The following IFT140 variants were observed in gnomAD, a reference collection of about 807,000 sequenced individuals.
IFT140 encodes intraflagellar transport 140.
A neutral mutation model predicts 164.6 loss-of-function variants in IFT140; 133 were observed. That is an observed-to-expected ratio of 0.81 (90% CI 0.70 to 0.93). The LOEUF is 0.93. Among genes scored for constraint, IFT140 ranks in the 40% least tolerant of loss-of-function variants. IFT140 has a pLI of 0.00. For missense variants in IFT140, 2,045 were observed against 1,972.3 expected (o/e 1.04, Z -0.70); for synonymous variants, 860 against 817.3 (o/e 1.05, Z -0.89).
chr16:1,606,660 A>C (rs975481497), intron 3 of IFT140, among the ~76,000 whole-genome samples: 1 of 152,160 alleles, frequency 6.6e-6, no homozygotes, highest in Non-Finnish European at 1.5e-5. Context: ...GGGTTTCTCC[A>C]TGTTGATCAG....
intron 19 of IFT140, among the ~76,000 whole-genome samples, chr16:1,528,371 G>GCACGCACGTGTGCACACACACA (rs2029995738): frequency 6.8e-6 from 1 of 147,508 alleles, no homozygotes; most frequent in East Asian, 2.0e-4. Flanking sequence ...GCACACACAC[G>GCACGCACGTGTGCACACACACA]CATGCACGCA....
intron 19 of IFT140, among the ~76,000 whole-genome samples, chr16:1,529,777 G>A (rs1479801880): frequency 2.0e-5 from 3 of 152,166 alleles, no homozygotes; most frequent in African/African-American, 4.8e-5. Context: ...GTTTATAAAC[G>A]GCTCAGACAC....
In IFT140 at chr16:1,525,223, A is replaced by G; in HGVS notation, c.2864+8T>C. 1 of 1,602,036 alleles carries G rather than the reference A, an allele frequency of 6.2e-7. No homozygotes were observed. ...TGCGGTCCCACCAGCCCTGGTGGGG[A>G]CACTCACTTATCCTTCATTTTATTC... is the stretch of plus-strand genomic sequence containing the variant. On this transcript the variant is annotated splice_region_variant and intron_variant, in intron 22 of 30. Coordinates refer to ENST00000426508, the MANE Select transcript of IFT140 (RefSeq NM_014714.4).
Position 1,551,752 on chromosome 16 carries a change from G to A in IFT140, c.2399+6183C>T, listed in dbSNP as rs1327901101. Among the ~76,000 whole-genome samples the A allele has an allele frequency of 6.6e-6, 1 of 152,164 alleles. No homozygotes were observed. Among genetic ancestry groups the A allele is most frequent in the African/African-American group, 2.4e-5 (1 of 41,422 alleles). On this transcript the variant is annotated intron_variant, in intron 19 of 30. Coordinates refer to ENST00000426508, the MANE Select transcript of IFT140 (RefSeq NM_014714.4). The surrounding 1 kb of genome is among the most constrained non-coding windows in gnomAD (Gnocchi z 4.0). ...TGTTGGGAGCTACCTATACAAAGGA[G>A]GCCACACCACACGTGCGTGGTCCGG...
intron 14 of IFT140, among the ~76,000 whole-genome samples, chr16:1,568,758 AC>A (rs2033858660): frequency 6.6e-6 from 1 of 152,002 alleles, no homozygotes; most frequent in Admixed American, 6.6e-5. Context: ...CATCTCAAAA[AC>A]AAAAAACGAA....
At chr16:1,575,692 C>A (rs938443401) in intron 13 of IFT140, among the ~76,000 whole-genome samples, 2 of 152,116 alleles carry the variant, frequency 1.3e-5, no homozygotes, top group South Asian at 2.1e-4. Flanking sequence ...CACTAGTGTT[C>A]TCCCAGCAGG....
chr16:1,564,589 C>G lies in IFT140; in HGVS notation c.1902-427G>C, dbSNP rs1475812294. Among the ~76,000 whole-genome samples, 3 of 152,190 alleles carry G rather than the reference C, an allele frequency of 2.0e-5. No homozygotes were observed. The highest frequency in any genetic ancestry group is 7.2e-5 in the African/African-American group (3 of 41,452). ...CCCCACCGGTCCCTGTGCCATGCTG[C>G]CCCTTGGACCCAGGTCCCTCCCATC... On this transcript the variant is annotated intron_variant, in intron 16 of 30. Coordinates refer to ENST00000426508, the MANE Select transcript of IFT140 (RefSeq NM_014714.4). The surrounding 1 kb of genome is among the most constrained non-coding windows in gnomAD (Gnocchi z 5.5).
At chr16:1,605,225 C>T (rs895229107) in intron 3 of IFT140, among the ~76,000 whole-genome samples, 4 of 152,120 alleles carry the variant, frequency 2.6e-5, no homozygotes, top group Admixed American at 6.5e-5. Context: ...CCTACCCCTG[C>T]GCTCTCGGGC....
intron 7 of IFT140, among the ~76,000 whole-genome samples, 188 bp downstream of exon 7, chr16:1,589,417 G>C (rs924343563): frequency 1.3e-5 from 2 of 152,144 alleles, no homozygotes; most frequent in Admixed American, 6.5e-5. Flanking sequence ...CATCTCTTTT[G>C]TTTCCTTCAC....
chr16:1,606,979 TACAC>T (rs2036103100), intron 3 of IFT140, 137 bp downstream of exon 3: 1 of 809,828 alleles, frequency 1.2e-6, no homozygotes, highest in Non-Finnish European at 2.0e-6. Context: ...CCAATACACA[TACAC>T]GCACACACAG....
At chr16:1,591,188 A>C (rs1033522068) in intron 6 of IFT140, among the ~76,000 whole-genome samples, 3 of 151,044 alleles carry the variant, frequency 2.0e-5, no homozygotes, top group African/African-American at 7.3e-5. Flanking sequence ...CCTGGCACGC[A>C]CCCCCTCCTC....
intron 19 of IFT140, chr16:1,554,736 C>T (rs1412759776): frequency 1.4e-5 from 23 of 1,602,768 alleles, no homozygotes; most frequent in East Asian, 6.7e-5. Flanking sequence ...GAGTGGAACC[C>T]GCCTTCCTCT....
intron 24 of IFT140, 115 bp from the exon 25 acceptor site, chr16:1,524,071 G>T: frequency 7.5e-7 from 1 of 1,327,350 alleles, no homozygotes; most frequent in Non-Finnish European, 1.0e-6. Flanking sequence ...ACACTGCTCA[G>T]CGATCTCTGC....
intron 14 of IFT140, among the ~76,000 whole-genome samples, chr16:1,570,431 G>A (rs1295152746): frequency 6.6e-6 from 1 of 152,132 alleles, no homozygotes; most frequent in East Asian, 1.9e-4. Flanking sequence ...TTGCTAATCT[G>A]TAACTCCCAC....
chr16:1,534,280 C>T (rs769815575), intron 19 of IFT140: 7 of 1,611,766 alleles, frequency 4.3e-6, no homozygotes, highest in Non-Finnish European at 5.9e-6. Context: ...TCAGCGATGA[C>T]CGTGCAGAGA....
At chr16:1,525,088 C>T in intron 22 of IFT140, 143 bp downstream of exon 22, 1 of 1,179,296 alleles carries the variant, frequency 8.5e-7, no homozygotes, top group Non-Finnish European at 1.2e-6. Flanking sequence ...GGCTCAGGGC[C>T]CTGGCATGGC....
chr16:1,598,462 A>G (rs1010959410), intron 4 of IFT140, among the ~76,000 whole-genome samples: 2 of 152,178 alleles, frequency 1.3e-5, no homozygotes, highest in Non-Finnish European at 2.9e-5. Flanking sequence ...TGTCTCAAAA[A>G]AAAAACAGAA....
At chr16:1,571,876 TG>T (rs1341975529) in intron 13 of IFT140, among the ~76,000 whole-genome samples, 1 of 152,040 alleles carries the variant, frequency 6.6e-6, no homozygotes, top group African/African-American at 2.4e-5. Context: ...AGGTAAAGAA[TG>T]GGATCTCAGG....
rs1044415696 is a variant in IFT140 at position 1,533,451 on chromosome 16, G to A, written c.2400-6655C>T. The A allele has an allele frequency of 6.6e-6, 1 of 152,358 alleles. No homozygotes were observed. Among genetic ancestry groups the A allele is most frequent in the Non-Finnish European group, 1.5e-5 (1 of 68,200 alleles). 9.4% of individuals were successfully genotyped at this position (152,358 alleles called of 1,614,324 possible). A position where few individuals can be genotyped will look rare whatever the true frequency, so the allele number is the denominator to read the frequency against. On this transcript the variant is annotated intron_variant, in intron 19 of 30. Transcript: ENST00000426508. This position sits in a 1 kb window ranked among gnomAD's most constrained non-coding sequence, Gnocchi z 4.7. The stretch of plus-strand genomic sequence containing the variant: ...GGCTTAAAAGCAACAGGCGAGACGA[G>A]GGATCTGTCCCGCACCCGGCATCCC...
Sources: allele counts gnomAD v4.1 joint callset (sites outside exome capture counted in the v4.1 genomes callset), GRCh38; gene constraint gnomAD v4.1.1; non-coding constraint Gnocchi (gnomAD v3.1); transcripts MANE v1.5; gene names NCBI Gene and HGNC (gene_info 2026-07-23, HGNC 2026-07-21).